Variants in IQSEC1 observed in about 807,000 individuals in gnomAD.
IQSEC1 encodes IQ motif and SEC7 domain-containing protein 1.
Under a neutral mutation model 91.0 loss-of-function variants are expected in IQSEC1, and 31 were observed. That is an observed-to-expected ratio of 0.34 (90% confidence interval 0.26 to 0.46). The LOEUF is 0.46. Among genes scored for constraint, IQSEC1 ranks in the 20% least tolerant of loss-of-function variants. The pLI is 1.00. For missense variants in IQSEC1, 1,388 were observed against 1,575.6 expected (o/e 0.88, Z 2.02); for synonymous variants, 699 against 662.6 (o/e 1.05, Z -0.84).
At chr3:13,163,115 C>T (rs1370274634) in intron 2 of IQSEC1, among the ~76,000 whole-genome samples, 2 of 152,118 alleles carry the variant, frequency 1.3e-5, no homozygotes, top group Admixed American at 6.5e-5. Flanking sequence ...GTGTCCCCTG[C>T]TCCAAGCACA....
At position 12,901,250 on chromosome 3, in the gene IQSEC1, C is replaced by T. The variant is rs375583511; in HGVS notation, c.3078G>A (p.Gly1026=). The T allele has an allele frequency of 1.6e-4, 254 of 1,548,234 alleles. No individual in the cohort carries two copies. The East Asian group carries it at 5.8e-3, about 35-fold the overall frequency. ...GCATGTGGCAGTACTGGGTGTGATG[C>T]CCGTGCATGGCGGCCTGCGGCAGCC... is the stretch of plus-strand genomic sequence containing the variant. ...PEGLPQAAMH[G]HHTQYCHMQN... The change falls in exon 14 of 14, where the codon GGG becomes GGA. Residue 1026 remains glycine (G), a synonymous_variant. Transcript: ENST00000613206.
At chr3:13,212,647 C>T (rs192394948) in intron 1 of IQSEC1, among the ~76,000 whole-genome samples, 3 of 152,288 alleles carry the variant, frequency 2.0e-5, no homozygotes, top group African/African-American at 7.2e-5. Flanking sequence ...CATGAGGGCT[C>T]GTTTCTCCAC....
At position 12,994,029 on chromosome 3, in the gene IQSEC1, G is replaced by T. The variant is rs1413637926; in HGVS notation, c.24-52164C>A. 6.7e-6 allele frequency among the ~76,000 whole-genome samples: 1 copy of T among 149,142 alleles called. No individual in the cohort carries two copies. The highest frequency in any genetic ancestry group is 1.5e-5 in the Non-Finnish European group (1 of 66,880). ...GCAGCCCCAGCGACCCCCGCCCGGGGCCCCGCACCGCACCGGTCGCCGGGC... is the reference window on the plus strand; with the variant it reads ...GCAGCCCCAGCGACCCCCGCCCGGGTCCCCGCACCGCACCGGTCGCCGGGC... On this transcript the variant is annotated intron_variant, in intron 1 of 13. Coordinates refer to ENST00000613206, the MANE Select transcript of IQSEC1 (RefSeq NM_001134382.3). This position sits in a 1 kb window ranked among gnomAD's most constrained non-coding sequence, Gnocchi z 4.5.
rs975663099 is a variant in IQSEC1 at position 12,994,568 on chromosome 3, G to A, written c.24-52703C>T. 6.6e-6 allele frequency among the ~76,000 whole-genome samples: 1 copy of A among 152,054 alleles called. No homozygotes were observed. Among genetic ancestry groups the A allele is most frequent in the Non-Finnish European group, 1.5e-5 (1 of 67,994 alleles). The stretch of plus-strand genomic sequence containing the variant: ...ATAAACAGCGAACAAACGCACCTCA[G>A]GCCAAGTCCCCCGGCTCCTCCGAGG... On this transcript the variant is annotated intron_variant, in intron 1 of 13. Transcript: ENST00000613206. The surrounding 1 kb of genome is among the most constrained non-coding windows in gnomAD (Gnocchi z 4.5).
chr3:13,017,268 T>C (rs1482005319), intron 1 of IQSEC1, among the ~76,000 whole-genome samples: 2 of 152,200 alleles, frequency 1.3e-5, no homozygotes, highest in African/African-American at 4.8e-5. Context: ...TATTTTCTCT[T>C]TATCATTTCT....
chr3:12,912,622 C>T (rs1458570472), intron 9 of IQSEC1, among the ~76,000 whole-genome samples: 1 of 149,404 alleles, frequency 6.7e-6, no homozygotes, highest in Non-Finnish European at 1.5e-5. Context: ...CGAGATTGCG[C>T]CACTGCAGTC....
intron 1 of IQSEC1, among the ~76,000 whole-genome samples, chr3:13,039,400 A>G (rs1359052824): frequency 2.6e-5 from 4 of 152,264 alleles, no homozygotes; most frequent in Non-Finnish European, 5.9e-5. Flanking sequence ...CCCTGTGTTT[A>G]GAAGTGGTTA....
intron 1 of IQSEC1, among the ~76,000 whole-genome samples, chr3:12,964,014 TC>T (rs1700403315): frequency 6.6e-6 from 1 of 152,198 alleles, no homozygotes. Context: ...TAGGCAGGCA[TC>T]GGGGTACTAG....
chr3:13,275,517 C>A (rs1695661258), intron 1 of IQSEC1, among the ~76,000 whole-genome samples: 1 of 152,214 alleles, frequency 6.6e-6, no homozygotes, highest in South Asian at 2.1e-4. Flanking sequence ...CCCTCACACA[C>A]CCCGGGCACA....
At chr3:12,930,503 G>A (rs565245384) in intron 3 of IQSEC1, among the ~76,000 whole-genome samples, 5 of 152,326 alleles carry the variant, frequency 3.3e-5, no homozygotes, top group Admixed American at 1.3e-4. Flanking sequence ...GGTTCAGGGA[G>A]AGGCACAAGA....
In IQSEC1 at chr3:13,152,909, T is replaced by G. The variant is rs566831067; in HGVS notation, c.302+11195A>C. Among the ~76,000 whole-genome samples, 15 of 151,854 alleles carry G rather than the reference T, an allele frequency of 9.9e-5. No homozygotes were observed. The East Asian group carries it at 2.3e-3, about 24-fold the overall frequency. ...CAAAAACAACCAAATGAAAAAAAAG[T>G]GTTCTTGGTTCTTTTCTTTCTCTCT... On this transcript the variant is annotated intron_variant, in intron 2 of 15. Coordinates refer to the IQSEC1 transcript ENST00000648114.
chr3:12,918,772 T>C (rs1559620861), intron 6 of IQSEC1, among the ~76,000 whole-genome samples: 4 of 152,188 alleles, frequency 2.6e-5, no homozygotes, highest in Admixed American at 6.5e-5. Flanking sequence ...AAGTGAGATA[T>C]GATTGCACCA....
intron 1 of IQSEC1, among the ~76,000 whole-genome samples, chr3:13,016,170 G>C (rs1576169350): frequency 6.6e-6 from 1 of 152,224 alleles, no homozygotes; most frequent in African/African-American, 2.4e-5. Flanking sequence ...CCCCACAGGG[G>C]TGCCATCTGG....
intron 1 of IQSEC1, among the ~76,000 whole-genome samples, chr3:12,961,056 C>T (rs1437107596): frequency 6.6e-6 from 1 of 152,234 alleles, no homozygotes; most frequent in Non-Finnish European, 1.5e-5. Context: ...CCCTCCCAGG[C>T]AGACAGACCA....
At chr3:13,029,215 G>C (rs1181443635) in intron 1 of IQSEC1, among the ~76,000 whole-genome samples, 1 of 152,206 alleles carries the variant, frequency 6.6e-6, no homozygotes, top group East Asian at 1.9e-4. Context: ...TGATACCTAA[G>C]GGCTACTGAA....
chr3:12,918,886 G>A (rs1442032418), intron 6 of IQSEC1, among the ~76,000 whole-genome samples: 1 of 152,120 alleles, frequency 6.6e-6, no homozygotes, highest in African/African-American at 2.4e-5. Context: ...GGCTGCCAGA[G>A]GGACCTCTAA....
At chr3:13,146,162 T>A (rs953972244) in intron 2 of IQSEC1, among the ~76,000 whole-genome samples, 5 of 151,888 alleles carry the variant, frequency 3.3e-5, no homozygotes, top group Non-Finnish European at 7.4e-5. Context: ...TATTTTTTTT[T>A]TTTTTTAAGA....
intron 2 of IQSEC1, among the ~76,000 whole-genome samples, chr3:13,130,357 A>G (rs941906820): frequency 6.6e-6 from 1 of 151,438 alleles, no homozygotes; most frequent in African/African-American, 2.4e-5. Flanking sequence ...AAAAAAAAAA[A>G]AAAAAGAAAG....
intron 1 of IQSEC1, among the ~76,000 whole-genome samples, chr3:12,959,964 G>C (rs1269924421): frequency 6.6e-6 from 1 of 151,924 alleles, no homozygotes; most frequent in Non-Finnish European, 1.5e-5. Flanking sequence ...TCTGAGAACA[G>C]TCAATGGCCC....
Sources: allele counts gnomAD v4.1 joint callset (sites outside exome capture counted in the v4.1 genomes callset), GRCh38; gene constraint gnomAD v4.1.1; non-coding constraint Gnocchi (gnomAD v3.1); transcripts MANE v1.5; gene names NCBI Gene and HGNC (gene_info 2026-07-23, HGNC 2026-07-21).